SYT17: variants seen among roughly 807,000 people sequenced by gnomAD.
SYT17 encodes synaptotagmin 17, also known as synaptotagmin-17.
SYT17 carries 22 observed loss-of-function variants against 46.7 expected under a neutral mutation model. That is an observed-to-expected ratio of 0.47 (90% CI 0.34 to 0.67). SYT17 has a LOEUF of 0.67. Ranked by LOEUF, SYT17 falls within the 30% of genes least tolerant of loss-of-function variation. The probability of loss-of-function intolerance (pLI) is 0.01; values close to 1 mark genes in which losing one functional copy is unlikely to be tolerated. For missense variants in SYT17, 519 were observed against 612.8 expected (o/e 0.85, Z 1.62); for synonymous variants, 251 against 248.4 (o/e 1.01, Z -0.10).
chr16:19,238,294 A>G (rs1966876420), intron 7 of SYT17, among the ~76,000 whole-genome samples: 1 of 152,242 alleles, frequency 6.6e-6, no homozygotes, highest in Non-Finnish European at 1.5e-5. Flanking sequence ...ACAAAAGGAA[A>G]TAATGTATAA....
chr16:19,235,002 G>A (rs967396853), intron 7 of SYT17, among the ~76,000 whole-genome samples: 3 of 152,136 alleles, frequency 2.0e-5, no homozygotes, highest in Non-Finnish European at 4.4e-5. Flanking sequence ...AGAACCAGGC[G>A]TTTGTGCTCC....
chr16:19,188,046 G>T (rs1373517277), intron 5 of SYT17, among the ~76,000 whole-genome samples: 1 of 152,160 alleles, frequency 6.6e-6, no homozygotes, highest in Non-Finnish European at 1.5e-5. Flanking sequence ...TATGTTCATT[G>T]CAGCACTATT....
intron 1 of SYT17, chr16:19,172,201 C>T: frequency 4.6e-6 from 2 of 431,832 alleles, no homozygotes; most frequent in South Asian, 8.4e-5. Context: ...CCTCCTTCCT[C>T]AAGAGGACCA....
At chr16:19,234,392 T>C (rs986500596) in intron 7 of SYT17, among the ~76,000 whole-genome samples, 1 of 152,138 alleles carries the variant, frequency 6.6e-6, no homozygotes, top group African/African-American at 2.4e-5. Context: ...TCGGGCAAAC[T>C]ATTCTTTTGA....
intron 5 of SYT17, among the ~76,000 whole-genome samples, chr16:19,193,198 A>C (rs1213854102): frequency 6.6e-6 from 1 of 152,216 alleles, no homozygotes; most frequent in Non-Finnish European, 1.5e-5. Context: ...GGGTGCACCC[A>C]ATACAGGGCT....
At position 19,183,790 on chromosome 16, in the gene SYT17, C is replaced by T. The variant is rs1212360057; in HGVS notation, c.594C>T (p.His198=). 1.9e-6 allele frequency: 3 copies of T among 1,614,220 alleles called. No individual in the cohort carries two copies. The highest frequency in any genetic ancestry group is 2.5e-6 in the Non-Finnish European group (3 of 1,180,052). ...TCAGCACTCAGTACGACCTGCTGCA[C>T]AACCACCTCACCGTGCGCGTGATCG... The part of the protein sequence containing the change: ...LHFSTQYDLL[H]NHLTVRVIEA... The change falls in exon 5 of 8, where the codon CAC becomes CAT. Residue 198 remains histidine (H), a synonymous_variant. Transcript: ENST00000355377. This position sits in a 1 kb window ranked among gnomAD's most constrained non-coding sequence, Gnocchi z 5.6.
chr16:19,173,378 G>GCC, intron 2 of SYT17, 52 bp from the exon 3 acceptor site: 2 of 222,874 alleles, frequency 9.0e-6, no homozygotes, highest in Non-Finnish European at 1.5e-5. Context: ...TCCCCACCCT[G>GCC]CCCACCTCCC....
intron 7 of SYT17, among the ~76,000 whole-genome samples, chr16:19,248,187 A>T (rs774842032): frequency 6.6e-6 from 1 of 152,178 alleles, no homozygotes; most frequent in Non-Finnish European, 1.5e-5. Context: ...CTACACACCC[A>T]CTAGTACAGT....
At chr16:19,198,006 A>G (rs1437044669) in intron 5 of SYT17, among the ~76,000 whole-genome samples, 1 of 152,224 alleles carries the variant, frequency 6.6e-6, no homozygotes, top group African/African-American at 2.4e-5. Flanking sequence ...TTTGCCATCC[A>G]CTAGAGGTGT....
intron 7 of SYT17, among the ~76,000 whole-genome samples, chr16:19,251,837 G>A (rs1407805081): frequency 6.6e-6 from 1 of 152,174 alleles, no homozygotes; most frequent in Non-Finnish European, 1.5e-5. Context: ...CTGTGAGGGT[G>A]GAAAGGGATT....
At chr16:19,250,997 G>A (rs1053866659) in intron 7 of SYT17, among the ~76,000 whole-genome samples, 3 of 151,938 alleles carry the variant, frequency 2.0e-5, no homozygotes, top group South Asian at 2.1e-4. Flanking sequence ...CATTATCTTC[G>A]TGAAATTTGT....
intron 5 of SYT17, among the ~76,000 whole-genome samples, chr16:19,217,364 A>T (rs1427590572): frequency 6.6e-6 from 1 of 152,106 alleles, no homozygotes; most frequent in Non-Finnish European, 1.5e-5. Flanking sequence ...TCCATTAAAC[A>T]GTCACTCCAT....
intron 7 of SYT17, among the ~76,000 whole-genome samples, chr16:19,226,821 A>G (rs1332834195): frequency 1.3e-5 from 2 of 152,254 alleles, no homozygotes; most frequent in South Asian, 4.1e-4. Context: ...TTAGATGAGG[A>G]GAGGACCCCA....
intron 7 of SYT17, among the ~76,000 whole-genome samples, chr16:19,232,265 C>T (rs2269790): frequency 0.33 from 50,432 of 151,764 alleles, 10,436 homozygotes; most frequent in African/African-American, 0.58. Flanking sequence ...ATGACAGACA[C>T]GCCTCAATTT....
At chr16:19,187,764 C>T (rs1446233715) in intron 5 of SYT17, among the ~76,000 whole-genome samples, 3 of 152,070 alleles carry the variant, frequency 2.0e-5, no homozygotes, top group African/African-American at 7.2e-5. Flanking sequence ...TAGAGAAATG[C>T]AAATCAACAC....
chr16:19,256,319 G>A (rs1401995180), intron 7 of SYT17, among the ~76,000 whole-genome samples: 1 of 151,972 alleles, frequency 6.6e-6, no homozygotes, highest in Non-Finnish European at 1.5e-5. Context: ...ACCCTAGAGA[G>A]ATGGCGAGAA....
Position 19,267,269 on chromosome 16 carries a change from C to T in SYT17, c.*193C>T. The stretch of plus-strand genomic sequence containing the variant: ...AAGCTGACTATTGATCACAAAATGG[C>T]CGCCCTCAGTTGAGTGAGGCCTAGG... On this transcript the variant is annotated 3_prime_UTR_variant, in exon 8 of 8. Transcript: ENST00000355377. The T allele has an allele frequency of 6.4e-6, 3 of 470,398 alleles. No individual in the cohort carries two copies. In the South Asian group the frequency reaches 1.0e-4, roughly 16 times the overall value. The allele number at this position is 470,398 out of a possible 1,614,324, so 29.1% of individuals were successfully genotyped here.
intron 7 of SYT17, among the ~76,000 whole-genome samples, chr16:19,242,069 G>C (rs1967172973): frequency 6.6e-6 from 1 of 152,142 alleles, no homozygotes; most frequent in Non-Finnish European, 1.5e-5. Flanking sequence ...CTGGTCATCT[G>C]GACTAGAATC....
chr16:19,268,201 C>CTCTCTCTCTCTCTT lies in SYT17; in HGVS notation c.*1142_*1155dup, dbSNP rs1416739821. ...GAATTAGTGTAGTTAGAATAGATCT[C>CTCTCTCTCTCTCTT]TCTCTCTCTCTCTTTCTCTCTCTCT... On this transcript the variant is annotated 3_prime_UTR_variant, in exon 8 of 8. Coordinates refer to ENST00000355377, the MANE Select transcript of SYT17 (RefSeq NM_016524.4). The CTCTCTCTCTCTCTT allele has an allele frequency of 1.9e-5, 2 of 107,528 alleles. No homozygotes were observed. The highest frequency in any genetic ancestry group is 2.0e-5 in the Non-Finnish European group (1 of 50,958). The allele number at this position is 107,528 out of a possible 1,614,324, so 6.7% of individuals were successfully genotyped here.
Sources: gnomAD v4.1 joint callset for allele counts (sites outside exome capture counted in the v4.1 genomes callset) on GRCh38, gnomAD v4.1.1 for gene constraint, Gnocchi (gnomAD v3.1) non-coding constraint, MANE v1.5 for transcripts, NCBI Gene and HGNC (gene_info 2026-07-23, HGNC 2026-07-21) for gene names.